Variants in KCNJ16 observed in about 807,000 individuals in gnomAD.
KCNJ16 encodes the protein potassium inwardly rectifying channel subfamily J member 16, also known as inward rectifier potassium channel 16.
In KCNJ16, 15 loss-of-function variants were observed where a neutral mutation model predicts 18.5. The observed-to-expected ratio is 0.81, with a 90% CI of 0.54 to 1.25. The LOEUF (loss-of-function observed/expected upper bound fraction) is 1.25. Among genes scored for constraint, KCNJ16 ranks in the 50% most tolerant of loss-of-function variants. The pLI is 0.00. For synonymous variants in KCNJ16, 174 were observed against 186.5 expected, an observed-to-expected ratio of 0.93 and a Z score of 0.55; for missense variants, 523 against 525.7, an observed-to-expected ratio of 0.99 and a Z score of 0.05.
intron 2 of KCNJ16, among the ~76,000 whole-genome samples, chr17:70,124,174 C>T (rs1465603918): frequency 1.3e-5 from 2 of 152,218 alleles, no homozygotes; most frequent in Non-Finnish European, 2.9e-5. Context: ...TCACTCTGAA[C>T]TTGAATGTCA....
rs2144324998 is a variant in KCNJ16, at chr17:70,134,155, C to T, written c.*811C>T. 1.2e-5 allele frequency: 2 copies of T among 167,176 alleles called. 1 individual carries two copies. The highest frequency in any genetic ancestry group is 4.1e-4 in the South Asian group (2 of 4,832). 10.4% of individuals were successfully genotyped at this position (167,176 alleles called of 1,614,324 possible). ...GTTCACGTCCCACCTTCTTCGAGGACATGACCAAGGGACAGGATCATACAG... is the reference window on the plus strand; with the variant it reads ...GTTCACGTCCCACCTTCTTCGAGGATATGACCAAGGGACAGGATCATACAG... On this transcript the variant is annotated 3_prime_UTR_variant, in exon 4 of 4. Coordinates refer to ENST00000392671, the MANE Select transcript of KCNJ16 (RefSeq NM_170741.4).
chr17:70,112,767 T>C (rs1445847649), intron 2 of KCNJ16, among the ~76,000 whole-genome samples: 1 of 152,194 alleles, frequency 6.6e-6, no homozygotes, highest in African/African-American at 2.4e-5. Context: ...TTATAAATAA[T>C]ATTTAATTAA....
In KCNJ16 at chr17:70,132,526, G is replaced by C. The variant is rs183330194; in HGVS notation, c.439G>C (p.Val147Leu). 1 of 1,614,014 alleles carries C rather than the reference G, an allele frequency of 6.2e-7. No individual in the cohort carries two copies. Among genetic ancestry groups the C allele is most frequent in the African/African-American group, 1.3e-5 (1 of 74,894 alleles). ...TGTTACTGAAGAATGTTCTGTGGCC[G>C]TGCTCATGGTGATCCTCCAGTCCAT... ...RCVTEECSVA[V>L]LMVILQSILS... The change falls in exon 4 of 4, where the codon GTG becomes CTG. Residue 147 changes from valine to leucine, a missense_variant. Physicochemically the swap from Val to Leu is conservative, Grantham distance 32. Transcript: ENST00000392671.
chr17:70,113,051 G>C (rs746100784), intron 2 of KCNJ16, among the ~76,000 whole-genome samples: 1 of 151,950 alleles, frequency 6.6e-6, no homozygotes. Context: ...TTGATTTCAA[G>C]GGAACAAAAA....
intron 1 of KCNJ16, among the ~76,000 whole-genome samples, chr17:70,096,123 T>TC (rs2072360421): frequency 6.6e-6 from 1 of 152,098 alleles, no homozygotes; most frequent in Non-Finnish European, 1.5e-5. Flanking sequence ...GACCTCGTGA[T>TC]CCGCCCACCT....
intron 2 of KCNJ16, among the ~76,000 whole-genome samples, chr17:70,127,621 T>A (rs1416046663): frequency 1.3e-5 from 2 of 151,220 alleles, no homozygotes; most frequent in Non-Finnish European, 2.9e-5. Flanking sequence ...CTGGGTCCCA[T>A]CCTCCCGTCT....
In KCNJ16 at chr17:70,132,425, A is replaced by T. The variant is rs772573923; in HGVS notation, c.338A>T (p.Asp113Val). Residue 113 changes from aspartate to valine, a missense_variant, in exon 4 of 4, where the codon GAC becomes GTC. Coordinates refer to ENST00000392671, the MANE Select transcript of KCNJ16 (RefSeq NM_170741.4). ...GATCCAGACATCACACCTTGTGTTGACAACGTCCATTCTTTCACAGGGGCC... is the reference window on the plus strand; with the variant it reads ...GATCCAGACATCACACCTTGTGTTGTCAACGTCCATTCTTTCACAGGGGCC... ...LNDPDITPCVDNVHSFTGAFL... is the reference protein window; with the variant it reads ...LNDPDITPCVVNVHSFTGAFL... 4 of 1,614,056 alleles carry T rather than the reference A, an allele frequency of 2.5e-6. No homozygotes were observed. The African/African-American group carries it at 5.3e-5, about 22-fold the overall frequency.
At chr17:70,078,607 A>G (rs2071416857) in intron 1 of KCNJ16, among the ~76,000 whole-genome samples, 2 of 152,138 alleles carry the variant, frequency 1.3e-5, no homozygotes, top group African/African-American at 4.8e-5. Context: ...TTTTTGTTGT[A>G]TCCCATTTTA....
chr17:70,080,825 T>C (rs2071520562), intron 1 of KCNJ16, among the ~76,000 whole-genome samples: 1 of 152,178 alleles, frequency 6.6e-6, no homozygotes, highest in Admixed American at 6.5e-5. Context: ...TAATCTAAAG[T>C]AAGCTCACAA....
chr17:70,094,450 A>G (rs1447582439), intron 1 of KCNJ16, among the ~76,000 whole-genome samples: 1 of 152,214 alleles, frequency 6.6e-6, no homozygotes, highest in Non-Finnish European at 1.5e-5. Context: ...AAGTGTTGCA[A>G]TTAGAAATTT....
chr17:70,134,163 A>C lies in KCNJ16; in HGVS notation c.*819A>C, dbSNP rs1381255043. ...CCCACCTTCTTCGAGGACATGACCAAGGGACAGGATCATACAGATGAGGTG... is the reference window on the plus strand; with the variant it reads ...CCCACCTTCTTCGAGGACATGACCACGGGACAGGATCATACAGATGAGGTG... On this transcript the variant is annotated 3_prime_UTR_variant, in exon 4 of 4. Coordinates refer to ENST00000392671, the MANE Select transcript of KCNJ16 (RefSeq NM_170741.4). 6.0e-6 allele frequency: 1 copy of C among 167,116 alleles called. No individual in the cohort carries two copies. Among genetic ancestry groups the C allele is most frequent in the Non-Finnish European group, 1.5e-5 (1 of 68,146 alleles). 10.4% of individuals were successfully genotyped at this position (167,116 alleles called of 1,614,324 possible).
chr17:70,096,844 T>C (rs1047511475), intron 1 of KCNJ16: 4 of 397,544 alleles, frequency 1.0e-5, no homozygotes, highest in Non-Finnish European at 1.8e-5. Flanking sequence ...AGTAACTTGG[T>C]CAGGGTTTTT....
intron 2 of KCNJ16, among the ~76,000 whole-genome samples, chr17:70,117,845 T>A (rs1432812533): frequency 6.6e-6 from 1 of 152,152 alleles, no homozygotes; most frequent in Non-Finnish European, 1.5e-5. Context: ...AACAATCTAA[T>A]CAACAAAAAA....
In KCNJ16 at chr17:70,132,570, T is replaced by A. The variant is rs2074095687; in HGVS notation, c.483T>A (p.Asn161Lys). The change falls in exon 4 of 4, where the codon AAT (asparagine) becomes AAA (lysine). Residue 161 changes from asparagine to lysine, a missense_variant. Coordinates refer to ENST00000392671, the MANE Select transcript of KCNJ16 (RefSeq NM_170741.4). Reference sequence around the variant, plus strand: ...AGTCCATCTTAAGTTGCATCATAAATACCTTTATCATTGGAGCTGCCTTGG... The same window carrying A: ...AGTCCATCTTAAGTTGCATCATAAAAACCTTTATCATTGGAGCTGCCTTGG... ...ILQSILSCII[N>K]TFIIGAALAK... 2.1e-5 allele frequency: 34 copies of A among 1,614,212 alleles called. No homozygotes were observed. Among genetic ancestry groups the A allele is most frequent in the Non-Finnish European group, 2.7e-5 (32 of 1,180,034 alleles).
intron 1 of KCNJ16, among the ~76,000 whole-genome samples, chr17:70,076,662 G>C (rs2071324421): frequency 6.6e-6 from 1 of 152,114 alleles, no homozygotes; most frequent in Non-Finnish European, 1.5e-5. Context: ...AAGAATTTCA[G>C]CATGAGAGAG....
chr17:70,128,145 A>G (rs945691483), intron 2 of KCNJ16: 1 of 152,178 alleles, frequency 6.6e-6, no homozygotes, highest in African/African-American at 2.4e-5. Context: ...TCTGATTGAG[A>G]CGCTTTTGTA....
At chr17:70,126,087 G>T (rs950071240) in intron 2 of KCNJ16, among the ~76,000 whole-genome samples, 7 of 152,126 alleles carry the variant, frequency 4.6e-5, no homozygotes, top group Admixed American at 2.6e-4. Flanking sequence ...AAAAATCATG[G>T]GGGAGATGTG....
chr17:70,089,926 T>C (rs1210528598), intron 1 of KCNJ16, among the ~76,000 whole-genome samples: 1 of 152,230 alleles, frequency 6.6e-6, no homozygotes, highest in Admixed American at 6.5e-5. Flanking sequence ...TAAGTTTAAA[T>C]TATGCACTGC....
At chr17:70,105,888 T>G (rs570836079) in intron 2 of KCNJ16, among the ~76,000 whole-genome samples, 23 of 152,332 alleles carry the variant, frequency 1.5e-4, no homozygotes, top group Non-Finnish European at 5.9e-5. Flanking sequence ...TGCCTGGCCA[T>G]GGGTTTAGCC....
Sources: allele counts gnomAD v4.1 joint callset (sites outside exome capture counted in the v4.1 genomes callset), GRCh38; gene constraint gnomAD v4.1.1; transcripts MANE v1.5; gene names NCBI Gene and HGNC (gene_info 2026-07-23, HGNC 2026-07-21).